The following NCKAP1L variants were observed in gnomAD, a reference collection of about 807,000 sequenced individuals.
The protein encoded by NCKAP1L is NCK associated protein 1 like.
NCKAP1L carries 53 observed loss-of-function variants against 139.2 expected under a neutral mutation model. That is an observed-to-expected ratio of 0.38 (90% CI 0.31 to 0.48). The LOEUF (loss-of-function observed/expected upper bound fraction) is 0.48. Among genes scored for constraint, NCKAP1L ranks in the 20% least tolerant of loss-of-function variants. The probability of loss-of-function intolerance (pLI) is 0.98; values close to 1 mark genes in which losing one functional copy is unlikely to be tolerated. For missense variants in NCKAP1L, 1,151 were observed against 1,381.9 expected (o/e 0.83, Z 2.65); for synonymous variants, 468 against 499.7 (o/e 0.94, Z 0.85).
At chr12:54,503,345 T>C (rs2120874977) in intron 3 of NCKAP1L, among the ~76,000 whole-genome samples, 1 of 151,884 alleles carries the variant, frequency 6.6e-6, no homozygotes, top group East Asian at 1.9e-4. Context: ...GAAAGAAAAA[T>C]TGATAAGGTA....
intron 18 of NCKAP1L, among the ~76,000 whole-genome samples, chr12:54,523,111 G>A (rs552142269): frequency 1.5e-4 from 23 of 152,260 alleles, no homozygotes; most frequent in Middle Eastern, 3.4e-3. Context: ...CATTAAGAAA[G>A]GTTCTCTCAG....
In NCKAP1L at chr12:54,511,856, G is replaced by T. The variant is rs374983216; in HGVS notation, c.784+5G>T. 3 of 1,614,090 alleles carry T rather than the reference G, an allele frequency of 1.9e-6. No homozygotes were observed. The highest frequency in any genetic ancestry group is 3.3e-5 in the Admixed American group (2 of 60,014). Reference sequence around the variant, plus strand: ...TAATGGAGCGCTGGATTATCAGTAAGTTTAGTGGGATTAGATGGGAGTGGA... The same window carrying T: ...TAATGGAGCGCTGGATTATCAGTAATTTTAGTGGGATTAGATGGGAGTGGA... On this transcript the variant is annotated splice_donor_5th_base_variant and intron_variant, in intron 8 of 30. Coordinates refer to ENST00000293373, the MANE Select transcript of NCKAP1L (RefSeq NM_005337.5).
chr12:54,542,752 G>T lies in NCKAP1L; in HGVS notation c.*67G>T. On this transcript the variant is annotated 3_prime_UTR_variant, in exon 31 of 31. Transcript: ENST00000293373. ...AAACCCTTGCCATAGTGGAAGCTGT[G>T]GTCACTTTCGCAGGGGGTGGGAATG... 9.0e-7 allele frequency: 1 copy of T among 1,113,882 alleles called. No homozygotes were observed. Among genetic ancestry groups the T allele is most frequent in the South Asian group, 1.3e-5 (1 of 79,296 alleles). The allele number at this position is 1,113,882 out of a possible 1,614,324, so 69.0% of individuals were successfully genotyped here.
rs753097653 is a variant in NCKAP1L at position 54,516,902 on chromosome 12, G to A, written c.1005G>A (p.Gln335=). The A allele has an allele frequency of 6.2e-7, 1 of 1,612,160 alleles. No homozygotes were observed. Reference sequence around the variant, plus strand: ...TTCCCCTTTTCTTCCTTAGTGGCCAGTTTCATTGTCAACGGCGGCAATTTC... The same window carrying A: ...TTCCCCTTTTCTTCCTTAGTGGCCAATTTCATTGTCAACGGCGGCAATTTC... The part of the protein sequence containing the change: ...SKEHVIANSG[Q]FHCQRRQFLR... Residue 335 remains glutamine, a synonymous_variant, in exon 11 of 31, where the codon CAG becomes CAA. Coordinates refer to ENST00000293373, the MANE Select transcript of NCKAP1L (RefSeq NM_005337.5).
chr12:54,512,183 G>A (rs1956894334), intron 9 of NCKAP1L, 78 bp downstream of exon 9: 20 of 1,467,028 alleles, frequency 1.4e-5, no homozygotes, highest in Non-Finnish European at 1.9e-5. Context: ...GTCTCCACAA[G>A]TGTTCCCAGA....
At position 54,497,798 on chromosome 12, in the gene NCKAP1L, G is replaced by A. The variant is rs1294449076; in HGVS notation, c.9G>A (p.Leu3=). MS[L]TSAYQHKLAE... ...CTCTCTCAGTGGCCATCATGTCTTT[G>A]ACATCTGCTTACCAGCATAAATTAG... Residue 3 remains leucine, a synonymous_variant, in exon 1 of 31, where the codon TTG becomes TTA. Transcript: ENST00000293373. 7 of 1,610,956 alleles carry A rather than the reference G, an allele frequency of 4.3e-6. No homozygotes were observed. Among genetic ancestry groups the A allele is most frequent in the Non-Finnish European group, 5.9e-6 (7 of 1,177,220 alleles).
chr12:54,523,314 A>G (rs1007367747), intron 18 of NCKAP1L, 80 bp from the exon 19 acceptor site: 2 of 1,496,302 alleles, frequency 1.3e-6, no homozygotes, highest in African/African-American at 1.4e-5. Flanking sequence ...ACAACAATGG[A>G]CAACAACCTT....
At position 54,507,836 on chromosome 12, in the gene NCKAP1L, T is replaced by C; in HGVS notation, c.307-17T>C. 3.1e-6 allele frequency: 5 copies of C among 1,612,402 alleles called. No individual in the cohort carries two copies. The highest frequency in any genetic ancestry group is 4.2e-6 in the Non-Finnish European group (5 of 1,178,432). On this transcript the variant is annotated splice_polypyrimidine_tract_variant and intron_variant, in intron 3 of 30. Coordinates refer to ENST00000293373, the MANE Select transcript of NCKAP1L (RefSeq NM_005337.5). ...CTTTGATTTTTTATTAATTCTTGTC[T>C]TCACTTCCACCCCCAGGATCATGTA...
chr12:54,547,986 T>C lies in NCKAP1L; in HGVS notation c.*5301T>C, dbSNP rs995763519. 3 of 152,240 alleles carry C rather than the reference T, an allele frequency of 2.0e-5. No individual in the cohort carries two copies. The highest frequency in any genetic ancestry group is 2.0e-4 in the Admixed American group (3 of 15,274). 9.4% of individuals were successfully genotyped at this position (152,240 alleles called of 1,614,324 possible). ...TGCCATCTCTTTCTGCCTCTGTACTTTCTGGGAGCTGGTTCTGCTGATACT... is the reference window on the plus strand; with the variant it reads ...TGCCATCTCTTTCTGCCTCTGTACTCTCTGGGAGCTGGTTCTGCTGATACT... On this transcript the variant is annotated 3_prime_UTR_variant, in exon 31 of 31. Coordinates refer to ENST00000293373, the MANE Select transcript of NCKAP1L (RefSeq NM_005337.5).
chr12:54,515,936 A>G (rs1432864885), intron 9 of NCKAP1L, among the ~76,000 whole-genome samples: 1 of 152,224 alleles, frequency 6.6e-6, no homozygotes, highest in Non-Finnish European at 1.5e-5. Context: ...GCAGGAGCAC[A>G]GGAAGAGAAG....
Position 54,518,684 on chromosome 12 carries a change from A to G in NCKAP1L, c.1372A>G (p.Ile458Val). Residue 458 changes from isoleucine (I) to valine (V), a missense_variant, in exon 14 of 31, where the codon ATC (isoleucine) becomes GTC (valine). Ile to Val is a conservative substitution (Grantham distance 29, BLOSUM62 3). Transcript: ENST00000293373. ...TGTGTGTCCAGAGGAGGAGTCCATCATCATGTCCTCATTCGTCAGTATCCT... is the reference window on the plus strand; with the variant it reads ...TGTGTGTCCAGAGGAGGAGTCCATCGTCATGTCCTCATTCGTCAGTATCCT... ...LSVCPEEESI[I>V]MSSFVSILSS... 6.2e-7 allele frequency: 1 copy of G among 1,614,144 alleles called. No homozygotes were observed. The highest frequency in any genetic ancestry group is 8.5e-7 in the Non-Finnish European group (1 of 1,179,992).
intron 5 of NCKAP1L, 140 bp from the exon 6 acceptor site, chr12:54,509,529 A>C: frequency 1.6e-6 from 1 of 643,504 alleles, no homozygotes; most frequent in African/African-American, 1.8e-5. Context: ...CTTTATATGT[A>C]ATTTACAGTG....
At chr12:54,516,445 C>A in intron 10 of NCKAP1L, 150 bp downstream of exon 10, 1 of 668,252 alleles carries the variant, frequency 1.5e-6, no homozygotes. Flanking sequence ...TTTTTCTTTT[C>A]TTTTCTTTTT....
Position 54,517,818 on chromosome 12 carries a change from G to T in NCKAP1L, c.1218G>T (p.Glu406Asp), listed in dbSNP as rs1226772338. ...CTAAACTTTATAGGAGCATTGCAGA[G>T]CTACTTTTCTTGTTGGAGGGGATTA... is the stretch of plus-strand genomic sequence containing the variant. Reference protein sequence around the residue: ...PEDYADSSIAELLFLLEGIRS... With the variant: ...PEDYADSSIADLLFLLEGIRS... Residue 406 changes from glutamate to aspartate, a missense_variant, in exon 13 of 31, where the codon GAG becomes GAT. Transcript: ENST00000293373. 6.2e-7 allele frequency: 1 copy of T among 1,614,032 alleles called. No individual in the cohort carries two copies. The highest frequency in any genetic ancestry group is 1.3e-5 in the African/African-American group (1 of 74,910).
chr12:54,517,045 G>T, intron 11 of NCKAP1L, 53 bp downstream of exon 11: 1 of 1,499,574 alleles, frequency 6.7e-7, no homozygotes, highest in Non-Finnish European at 9.3e-7. Context: ...AAGAGACTGT[G>T]TAGCTACGTG....
At chr12:54,540,503 G>C (rs1030075208) in intron 30 of NCKAP1L, among the ~76,000 whole-genome samples, 12 of 152,198 alleles carry the variant, frequency 7.9e-5, no homozygotes, top group Admixed American at 7.9e-4. Context: ...GCATGGCCTT[G>C]GCAAGGCAAT....
rs766779426 is a variant in NCKAP1L at position 54,532,238 on chromosome 12, C to T, written c.2850C>T (p.Asp950=). ...IECLKEFVTP[D]TDIKVTLSIF... ...GCTTGAAGGAGTTTGTCACTCCAGA[C>T]ACAGACATCAAGGTATGGAGGAGTG... Residue 950 remains aspartate (D), a synonymous_variant, in exon 26 of 31, where the codon GAC becomes GAT. Transcript: ENST00000293373. 6.2e-7 allele frequency: 1 copy of T among 1,613,102 alleles called. No individual in the cohort carries two copies. Among genetic ancestry groups the T allele is most frequent in the South Asian group, 1.1e-5 (1 of 90,966 alleles).
chr12:54,532,388 C>A, intron 26 of NCKAP1L, 138 bp downstream of exon 26: 2 of 505,850 alleles, frequency 4.0e-6, no homozygotes, highest in East Asian at 3.3e-5. Context: ...GAAAACTGGT[C>A]AGATGAATAT....
intron 3 of NCKAP1L, among the ~76,000 whole-genome samples, chr12:54,502,501 T>G (rs1037331983): frequency 2.6e-5 from 4 of 152,194 alleles, no homozygotes; most frequent in Non-Finnish European, 4.4e-5. Context: ...CCACATTTTC[T>G]TATCCTTCTC....
Sources: gnomAD v4.1 joint callset for allele counts (sites outside exome capture counted in the v4.1 genomes callset) on GRCh38, gnomAD v4.1.1 for gene constraint, MANE v1.5 for transcripts, NCBI Gene and HGNC (gene_info 2026-07-23, HGNC 2026-07-21) for gene names.